The following HAS3 variants were observed in gnomAD, a reference collection of about 807,000 sequenced individuals.
HAS3 encodes the protein hyaluronan synthase 3.
A neutral mutation model predicts 50.3 loss-of-function variants in HAS3; 27 were observed. The ratio of observed to expected loss-of-function variants is 0.54; its 90% CI spans 0.40 to 0.74. HAS3 has a LOEUF of 0.74. Ranked by LOEUF, HAS3 falls within the 30% of genes least tolerant of loss-of-function variation. HAS3 has a pLI of 0.00. For missense variants in HAS3, 517 were observed against 742.8 expected (o/e 0.70, Z 3.53); for synonymous variants, 339 against 310.9 (o/e 1.09, Z -0.95).
upstream of HAS3, among the ~76,000 whole-genome samples, chr16:69,101,329 C>CTTACTCTG (rs2152252036): frequency 6.6e-6 from 1 of 152,278 alleles, no homozygotes; most frequent in East Asian, 1.9e-4. Context: ...GAGGCAAAGT[C>CTTACTCTG]TTACTCTGTC....
chr16:69,098,662 ATTTTTT>A, the HAS3 span, among the ~76,000 whole-genome samples: 10 of 98,194 alleles, frequency 1.0e-4, no homozygotes, highest in African/African-American at 2.9e-4. Context: ...ATCAAACCTG[ATTTTTT>A]TTTTTTTTTT....
Position 69,109,935 on chromosome 16 carries a change from C to A in HAS3, c.540C>A (p.Ala180=), listed in dbSNP as rs754993379. The change falls in exon 2 of 4, where the codon GCC becomes GCA. Residue 180 remains alanine (A), a synonymous_variant. Transcript: ENST00000569188. The surrounding 1 kb of genome is among the most constrained non-coding windows in gnomAD (Gnocchi z 5.3). ...ACCGTGTGCGGGATGTGGTGCGGGC[C>A]AGCACCTTCTCGTGCATCATGCAGA... ...GMDRVRDVVR[A]STFSCIMQKW... 1 of 1,614,102 alleles carries A rather than the reference C, an allele frequency of 6.2e-7. No individual in the cohort carries two copies. The highest frequency in any genetic ancestry group is 1.1e-5 in the South Asian group (1 of 91,082).
rs776448023 is a variant in HAS3, at chr16:69,109,877, G to A, written c.482G>A (p.Gly161Asp). 6.2e-7 allele frequency: 1 copy of A among 1,613,856 alleles called. No individual in the cohort carries two copies. The highest frequency in any genetic ancestry group is 8.5e-7 in the Non-Finnish European group (1 of 1,180,032). The change falls in exon 2 of 4, where the codon GGT becomes GAT. Residue 161 changes from glycine (G) to aspartate (D), a missense_variant. Transcript: ENST00000569188. This position sits in a 1 kb window ranked among gnomAD's most constrained non-coding sequence, Gnocchi z 5.3. ...AGCAACTTCCATGAGGCAGGCGAGG[G>A]TGAGACGGAGGCCAGCCTGCAGGAG... ...WRSNFHEAGE[G>D]ETEASLQEGM...
At position 69,109,410 on chromosome 16, in the gene HAS3, G is replaced by C. The variant is rs1309846588; in HGVS notation, c.15G>C (p.Leu5=). Residue 5 remains leucine (L), a synonymous_variant, in exon 2 of 4, where the codon CTG becomes CTC. Coordinates refer to ENST00000569188, the MANE Select transcript of HAS3 (RefSeq NM_001199280.2). The surrounding 1 kb of genome is among the most constrained non-coding windows in gnomAD (Gnocchi z 5.3). ...TCTCTCGCCAGATGCCGGTGCAGCT[G>C]ACGACAGCCCTGCGTGTGGTGGGCA... MPVQ[L]TTALRVVGTS... is the part of the protein sequence containing the mutation. 1 of 1,605,706 alleles carries C rather than the reference G, an allele frequency of 6.2e-7. No homozygotes were observed. Among genetic ancestry groups the C allele is most frequent in the Non-Finnish European group, 8.5e-7 (1 of 1,177,060 alleles).
At chr16:69,118,123 C>CCCCCCCCCCCCCCCAATTCCCACATT, downstream of HAS3, 1 of 399,448 alleles carries the variant, frequency 2.5e-6, no homozygotes. Context: ...TCCCTTCATC[C>CCCCCCCCCCCCCCCAATTCCCACATT]CCCACCCCCA....
upstream of HAS3, among the ~76,000 whole-genome samples, chr16:69,104,531 C>T (rs188782922): frequency 2.0e-5 from 3 of 152,230 alleles, no homozygotes; most frequent in East Asian, 1.9e-4. Context: ...CTTCTGACCT[C>T]GTGATCCGCC....
chr16:69,113,050 T>A (rs1567581049), intron 2 of HAS3, among the ~76,000 whole-genome samples: 1 of 152,100 alleles, frequency 6.6e-6, no homozygotes, highest in Non-Finnish European at 1.5e-5. Context: ...TTCTGTGGGG[T>A]CACTTAAGGC....
intron 3 of HAS3, 121 bp downstream of exon 3, chr16:69,113,663 C>T: frequency 1.6e-6 from 1 of 624,398 alleles, no homozygotes; most frequent in Admixed American, 2.9e-5. Flanking sequence ...TCCTCGCTGG[C>T]AGTTTTCACT....
the HAS3 span, among the ~76,000 whole-genome samples, chr16:69,096,147 C>A: frequency 6.7e-6 from 1 of 149,784 alleles, no homozygotes; most frequent in African/African-American, 2.5e-5. Flanking sequence ...ACCTAAGAGG[C>A]CGAGACTGCA....
chr16:69,098,727 A>G, the HAS3 span, among the ~76,000 whole-genome samples: 2 of 131,972 alleles, frequency 1.5e-5, no homozygotes, highest in African/African-American at 3.0e-5. Flanking sequence ...GTGCAGTGGC[A>G]CAATCTCGGC....
chr16:69,114,230 C>T lies in HAS3; in HGVS notation c.739-113C>T. The T allele has an allele frequency of 6.8e-7, 1 of 1,478,612 alleles. No homozygotes were observed. Among genetic ancestry groups the T allele is most frequent in the Non-Finnish European group, 9.0e-7 (1 of 1,115,670 alleles). 91.6% of individuals were successfully genotyped at this position (1,478,612 alleles called of 1,614,324 possible). ...TCCCAGCTCCAAAGGAACCGATGGC[C>T]AGGAATCTAAGCAGCGGGCCACAGA... On this transcript the variant is annotated intron_variant, in intron 3 of 3. Coordinates refer to ENST00000569188, the MANE Select transcript of HAS3 (RefSeq NM_001199280.2). This position sits in a 1 kb window ranked among gnomAD's most constrained non-coding sequence, Gnocchi z 6.4.
chr16:69,088,793 T>A, the HAS3 span, among the ~76,000 whole-genome samples: 1 of 150,028 alleles, frequency 6.7e-6, no homozygotes, highest in African/African-American at 2.5e-5. Flanking sequence ...GGCCCAGAGG[T>A]AAGAGCAGGT....
chr16:69,101,388 C>T (rs1960695322), upstream of HAS3, among the ~76,000 whole-genome samples: 1 of 152,044 alleles, frequency 6.6e-6, no homozygotes. Context: ...GCAACCTCCG[C>T]CTCCCGGGTT....
Position 69,117,170 on chromosome 16 carries a change from T to C in HAS3, c.*1904T>C. On this transcript the variant is annotated 3_prime_UTR_variant, in exon 4 of 4. Coordinates refer to ENST00000569188, the MANE Select transcript of HAS3 (RefSeq NM_001199280.2). ...CTGCTGGCCAAGAAGTTAAACTATT[T>C]TGAGCATTAGAATGGAGGAAATCCG... The C allele has an allele frequency of 1.0e-6, 1 of 985,894 alleles. No homozygotes were observed. The highest frequency in any genetic ancestry group is 1.2e-6 in the Non-Finnish European group (1 of 829,950). 61.1% of individuals were successfully genotyped at this position (985,894 alleles called of 1,614,324 possible).
chr16:69,111,157 A>ATTTTTTTTTTTTT (rs71148963), intron 2 of HAS3, among the ~76,000 whole-genome samples: 1 of 62,304 alleles, frequency 1.6e-5, no homozygotes, highest in Non-Finnish European at 2.7e-5. Flanking sequence ...CTAGGCCAGG[A>ATTTTTTTTTTTTT]TTTTTTTTTT....
the HAS3 span, chr16:69,083,715 G>A: frequency 6.6e-7 from 1 of 1,515,122 alleles, no homozygotes; most frequent in East Asian, 2.5e-5. Flanking sequence ...CCAGAGCCGT[G>A]CCCAGGTCTT....
chr16:69,096,197 C>T, the HAS3 span, among the ~76,000 whole-genome samples: 15 of 123,048 alleles, frequency 1.2e-4, no homozygotes, highest in Admixed American at 5.1e-4. Context: ...GCCTGGGCGA[C>T]GGAGTCAGAC....
chr16:69,104,646 G>A (rs1156866354), upstream of HAS3, among the ~76,000 whole-genome samples: 1 of 152,038 alleles, frequency 6.6e-6, no homozygotes, highest in Non-Finnish European at 1.5e-5. Flanking sequence ...GTCTCGCTTT[G>A]TTGCCCAGGC....
In HAS3 at chr16:69,114,540, C is replaced by T; in HGVS notation, c.936C>T (p.Cys312=). The change falls in exon 4 of 4, where the codon TGC becomes TGT. Residue 312 remains cysteine, a synonymous_variant. Coordinates refer to ENST00000569188, the MANE Select transcript of HAS3 (RefSeq NM_001199280.2). This position sits in a 1 kb window ranked among gnomAD's most constrained non-coding sequence, Gnocchi z 6.4. ...ATCAGAAGTTCCTAGGCAGCAAGTG[C>T]AGCTTCGGGGATGACCGGCACCTCA... The part of the protein sequence containing the change: ...WYHQKFLGSK[C]SFGDDRHLTN... The T allele has an allele frequency of 1.2e-6, 2 of 1,614,118 alleles. No homozygotes were observed. The highest frequency in any genetic ancestry group is 1.7e-6 in the Non-Finnish European group (2 of 1,180,014).
Sources: allele counts gnomAD v4.1 joint callset (sites outside exome capture counted in the v4.1 genomes callset), GRCh38; gene constraint gnomAD v4.1.1; non-coding constraint Gnocchi (gnomAD v3.1); transcripts MANE v1.5; gene names NCBI Gene and HGNC (gene_info 2026-07-23, HGNC 2026-07-21).